Variants in LHFPL3 observed in about 807,000 individuals in gnomAD.
LHFPL3 encodes LHFPL tetraspan subfamily member 3 protein.
In LHFPL3, 5 loss-of-function variants were observed where a neutral mutation model predicts 19.3. The observed-to-expected ratio is 0.26, with a 90% CI of 0.14 to 0.54. The LOEUF is 0.54. Among genes scored for constraint, LHFPL3 ranks in the 20% least tolerant of loss-of-function variants. The pLI is 0.94. For missense variants in LHFPL3, 249 were observed against 307.4 expected, an observed-to-expected ratio of 0.81 and a Z score of 1.42; for synonymous variants, 133 against 126.2, an observed-to-expected ratio of 1.05 and a Z score of -0.36.
intron 1 of LHFPL3, among the ~76,000 whole-genome samples, chr7:104,414,110 A>G (rs1325746994): frequency 6.6e-6 from 1 of 151,828 alleles, no homozygotes; most frequent in Non-Finnish European, 1.5e-5. Context: ...AAAAAAAACT[A>G]TCGCACAGAA....
At chr7:104,545,668 T>A (rs1214953889) in intron 1 of LHFPL3, among the ~76,000 whole-genome samples, 1 of 152,240 alleles carries the variant, frequency 6.6e-6, no homozygotes, top group Non-Finnish European at 1.5e-5. Flanking sequence ...CCCCTTGAGA[T>A]GCTCCTGTGC....
rs1005816886 is a variant in LHFPL3 at position 104,845,120 on chromosome 7, G to A, written c.683-61067G>A. ...AAGTGCTACTATTGGCCCGTTTTAC[G>A]TTAGGAAACCACAGCACGGGAAGGT... On this transcript the variant is annotated intron_variant, in intron 2 of 2. Coordinates refer to ENST00000424859, the MANE Select transcript of LHFPL3 (RefSeq NM_199000.3). Among the ~76,000 whole-genome samples, 3 of 152,258 alleles carry A rather than the reference G, an allele frequency of 2.0e-5. No homozygotes were observed. In the South Asian group the frequency reaches 6.2e-4, roughly 32 times the overall value.
chr7:104,530,747 A>C (rs1235305685), intron 1 of LHFPL3, among the ~76,000 whole-genome samples: 1 of 152,244 alleles, frequency 6.6e-6, no homozygotes, highest in African/African-American at 2.4e-5. Flanking sequence ...TTGTAATAGA[A>C]GCACTAAAAT....
At chr7:104,437,275 TA>T (rs1265933462) in intron 1 of LHFPL3, among the ~76,000 whole-genome samples, 1 of 152,188 alleles carries the variant, frequency 6.6e-6, no homozygotes, top group African/African-American at 2.4e-5. Context: ...AGGTTCTACT[TA>T]AAAAATATTA....
intron 1 of LHFPL3, among the ~76,000 whole-genome samples, chr7:104,498,275 GGAAGAAATTTCCCAT>G (rs1793526966): frequency 6.6e-6 from 1 of 152,096 alleles, no homozygotes; most frequent in Non-Finnish European, 1.5e-5. Context: ...TACCATGACT[GGAAGAAATTTCCCAT>G]GAGTCTACAA....
intron 1 of LHFPL3, among the ~76,000 whole-genome samples, chr7:104,393,029 A>G (rs1289629999): frequency 3.9e-5 from 6 of 152,324 alleles, no homozygotes; most frequent in East Asian, 3.9e-4. Flanking sequence ...AGATTTCTTC[A>G]AGAAAGATAT....
chr7:104,621,845 C>T (rs2385245), intron 1 of LHFPL3, among the ~76,000 whole-genome samples: 145,397 of 152,176 alleles, frequency 0.96, 69,768 homozygotes, highest in East Asian at 1. Context: ...ATAGCAACTT[C>T]GAAATCTAGG....
At chr7:104,861,336 T>C (rs1791615513) in intron 2 of LHFPL3, among the ~76,000 whole-genome samples, 1 of 152,194 alleles carries the variant, frequency 6.6e-6, no homozygotes, top group African/African-American at 2.4e-5. Flanking sequence ...CATTTAACTA[T>C]TTTTTCTCAT....
chr7:104,614,680 C>CTTTCT lies in LHFPL3; in HGVS notation c.446-121993_446-121992insTCTTT, dbSNP rs1554415336. 3.9e-4 allele frequency among the ~76,000 whole-genome samples: 37 copies of CTTTCT among 94,486 alleles called. 1 individual carries two copies. The highest frequency in any genetic ancestry group is 3.9e-3 in the East Asian group (13 of 3,334). The allele number at this position is 94,486 out of a possible 152,430, so 62.0% of individuals were successfully genotyped here. ...CCTTCCTTCCTTCCTTCCTTCCTTCCTTCTTTCTTTCTTTCTTTCTTTCTT... is the reference window on the plus strand; with the variant it reads ...CCTTCCTTCCTTCCTTCCTTCCTTCCTTTCTTTCTTTCTTTCTTTCTTTCTTTCTT... On this transcript the variant is annotated intron_variant, in intron 1 of 2. Coordinates refer to ENST00000424859, the MANE Select transcript of LHFPL3 (RefSeq NM_199000.3).
At chr7:104,862,989 T>A (rs1791645935) in intron 2 of LHFPL3, among the ~76,000 whole-genome samples, 1 of 152,194 alleles carries the variant, frequency 6.6e-6, no homozygotes, top group Non-Finnish European at 1.5e-5. Flanking sequence ...GTACACCACC[T>A]TATGCTATCT....
intron 1 of LHFPL3, among the ~76,000 whole-genome samples, chr7:104,360,614 G>A (rs1166671664): frequency 6.6e-6 from 1 of 151,658 alleles, no homozygotes; most frequent in African/African-American, 2.4e-5. Flanking sequence ...TAAAACACAG[G>A]CTTTGTAGTC....
At chr7:104,514,919 A>G (rs1361148091) in intron 1 of LHFPL3, among the ~76,000 whole-genome samples, 2 of 152,140 alleles carry the variant, frequency 1.3e-5, no homozygotes, top group African/African-American at 2.4e-5. Flanking sequence ...TTTTGAAACT[A>G]CCCTTCTTTT....
Position 104,769,997 on chromosome 7 carries a change from G to A in LHFPL3, c.682+33086G>A, listed in dbSNP as rs78167537. ...TTTGCACCAAGACAATTGCTTATAA[G>A]CAATATAGGATTTTCTGAATTTCTT... On this transcript the variant is annotated intron_variant, in intron 2 of 2. Coordinates refer to ENST00000424859, the MANE Select transcript of LHFPL3 (RefSeq NM_199000.3). 3.4e-3 allele frequency among the ~76,000 whole-genome samples: 523 copies of A among 152,124 alleles called. 2 individuals are homozygous for A. Among genetic ancestry groups the A allele is most frequent in the African/African-American group, 0.012 (487 of 41,498 alleles).
Position 104,890,385 on chromosome 7 carries a change from T to G in LHFPL3, c.683-15802T>G, listed in dbSNP as rs370046096. Among the ~76,000 whole-genome samples the G allele has an allele frequency of 9.9e-5, 15 of 152,282 alleles. No homozygotes were observed. The East Asian group carries it at 2.9e-3, about 29-fold the overall frequency. On this transcript the variant is annotated intron_variant, in intron 2 of 2. Coordinates refer to ENST00000424859, the MANE Select transcript of LHFPL3 (RefSeq NM_199000.3). ...CTTACTGGTCCTGTGCATCTTAATC[T>G]TTGCTCCATCCCCTTCCTCCCCCGC...
chr7:104,535,383 A>G (rs190311924), intron 1 of LHFPL3, among the ~76,000 whole-genome samples: 2 of 152,310 alleles, frequency 1.3e-5, no homozygotes, highest in African/African-American at 4.8e-5. Flanking sequence ...ATCAAAATGC[A>G]ATTTCCAAGG....
intron 1 of LHFPL3, among the ~76,000 whole-genome samples, chr7:104,562,216 C>G (rs1224984986): frequency 6.6e-6 from 1 of 151,798 alleles, no homozygotes; most frequent in Non-Finnish European, 1.5e-5. Flanking sequence ...TTTCCTGAAT[C>G]TGAACGTTGG....
Position 104,345,128 on chromosome 7 carries a change from T to C in LHFPL3, c.445+15904T>C, listed in dbSNP as rs896834774. 3.3e-5 allele frequency among the ~76,000 whole-genome samples: 5 copies of C among 152,182 alleles called. No individual in the cohort carries two copies. The East Asian group carries it at 9.6e-4, about 29-fold the overall frequency. On this transcript the variant is annotated intron_variant, in intron 1 of 2. Transcript: ENST00000424859. Reference sequence around the variant, plus strand: ...GGCTTTTTATTTCATCTTGAGTCAGTTTGTAAAGATATATTTTCCTAAGAA... The same window carrying C: ...GGCTTTTTATTTCATCTTGAGTCAGCTTGTAAAGATATATTTTCCTAAGAA...
At chr7:104,869,229 A>C (rs1372233622) in intron 2 of LHFPL3, among the ~76,000 whole-genome samples, 1 of 152,238 alleles carries the variant, frequency 6.6e-6, no homozygotes. Context: ...AAAAGCCAAA[A>C]TTGACAAATG....
intron 1 of LHFPL3, among the ~76,000 whole-genome samples, chr7:104,539,816 A>C (rs922482335): frequency 1.3e-5 from 2 of 152,188 alleles, no homozygotes; most frequent in Non-Finnish European, 2.9e-5. Context: ...TTATTTAACA[A>C]AGTGATGGCA....
Sources: allele counts gnomAD v4.1 joint callset (sites outside exome capture counted in the v4.1 genomes callset), GRCh38; gene constraint gnomAD v4.1.1; transcripts MANE v1.5; gene names NCBI Gene and HGNC (gene_info 2026-07-23, HGNC 2026-07-21).